Variants in ABCA1 observed in about 807,000 individuals in gnomAD.
ABCA1 encodes the protein ATP binding cassette subfamily A member 1, also known as phospholipid-transporting ATPase ABCA1.
ABCA1 carries 133 observed loss-of-function variants against 262.5 expected under a neutral mutation model. The ratio of observed to expected loss-of-function variants is 0.51; its 90% CI spans 0.44 to 0.59. ABCA1 has a LOEUF of 0.59. Ranked by LOEUF, ABCA1 falls within the 20% of genes least tolerant of loss-of-function variation. The pLI, the probability that ABCA1 is intolerant of heterozygous loss-of-function variation, is 0.00. For missense variants in ABCA1, 2,452 were observed against 2,777.5 expected, an observed-to-expected ratio of 0.88 and a Z score of 2.63; for synonymous variants, 1,022 against 1,043.5, an observed-to-expected ratio of 0.98 and a Z score of 0.40.
intron 2 of ABCA1, chr9:104,889,426 T>A: frequency 1.1e-6 from 1 of 949,444 alleles, no homozygotes; most frequent in Middle Eastern, 5.4e-4. Context: ...CTTCCTATCG[T>A]GCTTTATCTG....
intron 7 of ABCA1, among the ~76,000 whole-genome samples, chr9:104,857,797 G>A (rs1455191668): frequency 6.6e-6 from 1 of 152,202 alleles, no homozygotes; most frequent in African/African-American, 2.4e-5. Context: ...TATCTGGTGA[G>A]TAGAAAACCA....
intron 1 of ABCA1, among the ~76,000 whole-genome samples, chr9:104,918,831 G>T (rs1383089947): frequency 6.6e-6 from 1 of 152,088 alleles, no homozygotes; most frequent in Non-Finnish European, 1.5e-5. Flanking sequence ...ATGTCAAAGT[G>T]TATCACCTAA....
intron 11 of ABCA1, among the ~76,000 whole-genome samples, chr9:104,833,924 G>A (rs4149302): frequency 0.17 from 22,870 of 134,856 alleles, 3,890 homozygotes; most frequent in East Asian, 0.69. Context: ...ATGTGCTGCC[G>A]GAAAAACAGC....
intron 5 of ABCA1, among the ~76,000 whole-genome samples, chr9:104,862,699 C>CAGGGCAGGGCAGGGCAG (rs1836713677): frequency 1.2e-4 from 1 of 8,460 alleles, no homozygotes; most frequent in African/African-American, 6.9e-4. Context: ...CGGGCCGGGC[C>CAGGGCAGGGCAGGGCAG]GGCCCCCACC....
chr9:104,878,232 A>T (rs916025184), intron 5 of ABCA1, among the ~76,000 whole-genome samples: 3 of 152,230 alleles, frequency 2.0e-5, no homozygotes, highest in Non-Finnish European at 2.9e-5. Flanking sequence ...GCAAACATTA[A>T]TTAATTTAGC....
intron 7 of ABCA1, among the ~76,000 whole-genome samples, chr9:104,847,718 T>C (rs969448350): frequency 3.9e-5 from 6 of 152,196 alleles, no homozygotes; most frequent in African/African-American, 1.4e-4. Flanking sequence ...CACCACAAGG[T>C]GAAGACATCC....
Position 104,894,167 on chromosome 9 carries a change from A to G in ABCA1, c.67-4972T>C, listed in dbSNP as rs568386000. Among the ~76,000 whole-genome samples, 212 of 152,302 alleles carry G rather than the reference A, an allele frequency of 1.4e-3. 2 individuals are homozygous for G. The Middle Eastern group carries it at 0.02, about 15-fold the overall frequency. Reference sequence around the variant, plus strand: ...ATGTTTAGGACATATACCTTTTAAGATATGCCACTTAAAAGAAACCTAGCA... The same window carrying G: ...ATGTTTAGGACATATACCTTTTAAGGTATGCCACTTAAAAGAAACCTAGCA... On this transcript the variant is annotated intron_variant, in intron 2 of 49. Transcript: ENST00000374736.
rs768615282 is a variant in ABCA1, at chr9:104,903,693, G to C, written c.-14C>G. On this transcript the variant is annotated 5_prime_UTR_variant, in exon 2 of 50. Coordinates refer to ENST00000374736, the MANE Select transcript of ABCA1 (RefSeq NM_005502.4). ...CCAACAAGCCATGTTCCCTCAGCCA[G>C]CACCCCCAGCGTGTGGCTCGGGAGC... 5.7e-6 allele frequency: 9 copies of C among 1,573,626 alleles called. No individual in the cohort carries two copies. In the South Asian group the frequency reaches 9.3e-5, roughly 16 times the overall value.
chr9:104,783,993 CAAAAA>C lies in ABCA1; in HGVS notation c.*317_*321del. The C allele has an allele frequency of 9.1e-5, 12 of 132,080 alleles. No individual in the cohort carries two copies. The highest frequency in any genetic ancestry group is 2.2e-4 in the South Asian group (2 of 9,030). 8.2% of individuals were successfully genotyped at this position (132,080 alleles called of 1,614,324 possible). On this transcript the variant is annotated 3_prime_UTR_variant, in exon 50 of 50. Coordinates refer to ENST00000374736, the MANE Select transcript of ABCA1 (RefSeq NM_005502.4). ...CAACCCCAATGAGAATACACAGGAA[CAAAAA>C]AAAAAAAAAAAGTGTGAGTTCAAAC...
intron 5 of ABCA1, among the ~76,000 whole-genome samples, chr9:104,862,856 A>ATG (rs1836760086): frequency 6.7e-6 from 1 of 149,318 alleles, no homozygotes; most frequent in Non-Finnish European, 1.5e-5. Flanking sequence ...ACACTGGCAG[A>ATG]GTGCATTACG....
chr9:104,909,964 G>A (rs1409877238), intron 1 of ABCA1, among the ~76,000 whole-genome samples: 2 of 152,186 alleles, frequency 1.3e-5, no homozygotes, highest in South Asian at 2.1e-4. Flanking sequence ...GAAAGAAAGT[G>A]CATGTATCTG....
At chr9:104,880,056 T>C (rs1838492844) in intron 5 of ABCA1, among the ~76,000 whole-genome samples, 1 of 152,234 alleles carries the variant, frequency 6.6e-6, no homozygotes, top group African/African-American at 2.4e-5. Context: ...GAATATTTTC[T>C]AACAATTAGA....
At chr9:104,860,363 C>T (rs554372066) in intron 6 of ABCA1, among the ~76,000 whole-genome samples, 5 of 152,314 alleles carry the variant, frequency 3.3e-5, no homozygotes, top group Admixed American at 2.0e-4. Context: ...AGCCTGATGC[C>T]TTTGGCCCAT....
rs1564086475 is a variant in ABCA1, at chr9:104,794,475, C to T, written c.5418G>A (p.Val1806=). 6.5e-7 allele frequency: 1 copy of T among 1,543,150 alleles called. No individual in the cohort carries two copies. Among genetic ancestry groups the T allele is most frequent in the Non-Finnish European group, 8.8e-7 (1 of 1,130,870 alleles). The change falls in exon 40 of 50, where the codon GTG becomes GTA. Residue 1806 remains valine, a synonymous_variant. Coordinates refer to ENST00000374736, the MANE Select transcript of ABCA1 (RefSeq NM_005502.4). ...GGCAAAAATGTGGGAAGATCAAGAA[C>T]ACGGACTTCAGGATATCATTGATAT... ...LNNINDILKS[V]FLIFPHFCLG... is the part of the protein sequence containing the mutation.
At chr9:104,792,068 G>A (rs1027238910) in intron 42 of ABCA1, 70 bp from the exon 43 acceptor site, 2 of 1,422,856 alleles carry the variant, frequency 1.4e-6, no homozygotes, top group Non-Finnish European at 2.0e-6. Context: ...ACTGTGGAAG[G>A]CAGGACTATA....
intron 34 of ABCA1, 99 bp downstream of exon 34, chr9:104,801,955 C>A: frequency 9.0e-7 from 1 of 1,107,622 alleles, no homozygotes; most frequent in Non-Finnish European, 1.4e-6. Context: ...ATATTCAGAA[C>A]AATGAGCTGC....
intron 32 of ABCA1, 69 bp downstream of exon 32, chr9:104,804,557 T>C: frequency 2.4e-6 from 3 of 1,241,450 alleles, no homozygotes; most frequent in Non-Finnish European, 2.4e-6. Context: ...TTTCAGTCTG[T>C]TATTTGTAGG....
intron 20 of ABCA1, among the ~76,000 whole-genome samples, chr9:104,820,588 CAGAGCT>C (rs1465028374): frequency 6.6e-6 from 1 of 152,202 alleles, no homozygotes; most frequent in African/African-American, 2.4e-5. Flanking sequence ...CCCAAGATTG[CAGAGCT>C]CAGGTCTCTC....
intron 12 of ABCA1, 122 bp from the exon 13 acceptor site, chr9:104,831,949 C>G (rs1833373862): frequency 1.0e-6 from 1 of 958,418 alleles, no homozygotes; most frequent in South Asian, 1.3e-5. Flanking sequence ...CTCTCTAATC[C>G]TCTCTAACGT....
Sources: gnomAD v4.1 joint callset for allele counts (sites outside exome capture counted in the v4.1 genomes callset) on GRCh38, gnomAD v4.1.1 for gene constraint, MANE v1.5 for transcripts, NCBI Gene and HGNC (gene_info 2026-07-23, HGNC 2026-07-21) for gene names.